The following SNTG1 variants were observed in gnomAD, a reference collection of about 807,000 sequenced individuals.
SNTG1 encodes gamma-1-syntrophin.
SNTG1 carries 39 observed loss-of-function variants against 74.7 expected under a neutral mutation model. The ratio of observed to expected loss-of-function variants is 0.52; its 90% CI spans 0.40 to 0.68. The LOEUF (loss-of-function observed/expected upper bound fraction) is 0.68, where lower values mean the gene tolerates loss of function less well. Ranked by LOEUF, SNTG1 falls within the 30% of genes least tolerant of loss-of-function variation. SNTG1 has a pLI of 0.00. For synonymous variants in SNTG1, 254 were observed against 217.1 expected (o/e 1.17, Z -1.49); for missense variants, 685 against 609.5 (o/e 1.12, Z -1.30).
At chr8:50,201,971 AT>A (rs1378953825) in intron 2 of SNTG1, among the ~76,000 whole-genome samples, 1 of 152,068 alleles carries the variant, frequency 6.6e-6, no homozygotes, top group African/African-American at 2.4e-5. Flanking sequence ...CAATATGAGG[AT>A]TTTTAACCCA....
chr8:50,344,792 T>C (rs1334161813), intron 2 of SNTG1, among the ~76,000 whole-genome samples: 1 of 152,194 alleles, frequency 6.6e-6, no homozygotes, highest in Non-Finnish European at 1.5e-5. Flanking sequence ...GAATTGCATT[T>C]CACCAAAATT....
chr8:50,673,530 T>A (rs2095295272), intron 15 of SNTG1, among the ~76,000 whole-genome samples: 1 of 152,194 alleles, frequency 6.6e-6, no homozygotes, highest in Non-Finnish European at 1.5e-5. Flanking sequence ...GGATTTTGTA[T>A]GTTGAGACTT....
chr8:50,745,870 G>T (rs959858111), intron 17 of SNTG1, among the ~76,000 whole-genome samples: 1 of 151,914 alleles, frequency 6.6e-6, no homozygotes, highest in Admixed American at 6.6e-5. Context: ...GGGCAGTGGG[G>T]AAAGATAAGT....
intron 2 of SNTG1, among the ~76,000 whole-genome samples, chr8:50,220,017 A>C (rs1293780889): frequency 6.6e-6 from 1 of 152,154 alleles, no homozygotes; most frequent in Non-Finnish European, 1.5e-5. Context: ...AAAATATATA[A>C]AGTCAAAAAT....
At position 50,337,185 on chromosome 8, in the gene SNTG1, T is replaced by C. The variant is rs6996480; in HGVS notation, c.-27-57027T>C. ...ATCAAGAACAAGTGAACAAACTGTA[T>C]AGTGACAACTCTTCTTCTAATCACA... On this transcript the variant is annotated intron_variant, in intron 2 of 18. Transcript: ENST00000642720. 9.2e-5 allele frequency among the ~76,000 whole-genome samples: 14 copies of C among 152,346 alleles called. 1 individual carries two copies. Among genetic ancestry groups the C allele is most frequent in the African/African-American group, 3.1e-4 (13 of 41,574 alleles).
chr8:50,719,798 T>G (rs929446597), intron 17 of SNTG1, among the ~76,000 whole-genome samples: 2 of 152,194 alleles, frequency 1.3e-5, no homozygotes, highest in Admixed American at 6.5e-5. Flanking sequence ...TTGATATCAT[T>G]AAGGTATTAT....
At position 50,462,513 on chromosome 8, in the gene SNTG1, T is replaced by C. The variant is rs544806133; in HGVS notation, c.363+11784T>C. 1.5e-3 allele frequency among the ~76,000 whole-genome samples: 103 copies of C among 69,890 alleles called. 2 individuals are homozygous for C. The South Asian group carries it at 0.046, about 31-fold the overall frequency. The allele number at this position is 69,890 out of a possible 152,430, so 45.9% of individuals were successfully genotyped here. A position where few individuals can be genotyped will look rare whatever the true frequency, so the allele number is the denominator to read the frequency against. On this transcript the variant is annotated intron_variant, in intron 8 of 18. Transcript: ENST00000642720. ...ATTTGCCACATCTATTGGCTCTTCC[T>C]TTCATGAAAAATTTTCCGTAATGTG... is the stretch of plus-strand genomic sequence containing the variant.
intron 1 of SNTG1, among the ~76,000 whole-genome samples, chr8:49,943,625 C>A (rs1195647293): frequency 6.6e-6 from 1 of 152,190 alleles, no homozygotes; most frequent in Admixed American, 6.5e-5. Context: ...TTAATCCTTG[C>A]CCTTCTGGCC....
At chr8:50,351,113 G>A (rs1371240848) in intron 2 of SNTG1, among the ~76,000 whole-genome samples, 1 of 152,188 alleles carries the variant, frequency 6.6e-6, no homozygotes, top group Non-Finnish European at 1.5e-5. Flanking sequence ...CCCTTACATG[G>A]TGTTGGCAGG....
chr8:50,117,092 T>C (rs779327646), intron 1 of SNTG1, among the ~76,000 whole-genome samples: 4 of 152,062 alleles, frequency 2.6e-5, no homozygotes, highest in African/African-American at 4.8e-5. Flanking sequence ...TTTAAGACAA[T>C]TTTAATAATA....
intron 1 of SNTG1, among the ~76,000 whole-genome samples, chr8:50,105,935 T>C (rs1460945795): frequency 1.3e-5 from 2 of 152,070 alleles, no homozygotes; most frequent in Admixed American, 1.3e-4. Context: ...TTTGGGTAAT[T>C]ACTGTGGGGT....
chr8:50,203,736 G>T (rs1211949457), intron 2 of SNTG1, among the ~76,000 whole-genome samples: 2 of 151,710 alleles, frequency 1.3e-5, no homozygotes, highest in Non-Finnish European at 2.9e-5. Context: ...TTGCTATGTG[G>T]CAGAATTAAA....
Position 50,122,253 on chromosome 8 carries a change from G to A in SNTG1, c.-102-50308G>A, listed in dbSNP as rs571090602. Among the ~76,000 whole-genome samples the A allele has an allele frequency of 1.4e-5, 2 of 142,224 alleles. 1 individual carries two copies. The highest frequency in any genetic ancestry group is 4.0e-4 in the East Asian group (2 of 4,944). 93.3% of individuals were successfully genotyped at this position (142,224 alleles called of 152,430 possible). On this transcript the variant is annotated intron_variant, in intron 1 of 18. Coordinates refer to ENST00000642720, the MANE Select transcript of SNTG1 (RefSeq NM_018967.5). ...TCCTTGGTAACTTGTGCCTTACCTC[G>A]TTTTGCAAAGCAAATAGTAAAATGG...
At chr8:50,167,016 G>A (rs1020779894) in intron 1 of SNTG1, among the ~76,000 whole-genome samples, 16 of 141,488 alleles carry the variant, frequency 1.1e-4, no homozygotes, top group Middle Eastern at 3.5e-3. Flanking sequence ...GTAAACTATC[G>A]CAAGAACAAA....
intron 2 of SNTG1, among the ~76,000 whole-genome samples, chr8:50,198,964 T>C (rs1482468912): frequency 6.6e-6 from 1 of 152,186 alleles, no homozygotes; most frequent in Non-Finnish European, 1.5e-5. Flanking sequence ...GTGGAAGTTG[T>C]AAATGAAATG....
At chr8:50,425,909 A>C (rs2093158095) in intron 4 of SNTG1, among the ~76,000 whole-genome samples, 1 of 152,176 alleles carries the variant, frequency 6.6e-6, no homozygotes, top group Admixed American at 6.6e-5. Context: ...GTTGTTTTAT[A>C]TTCTTCTGTA....
intron 8 of SNTG1, among the ~76,000 whole-genome samples, chr8:50,470,743 A>T (rs12548774): frequency 6.6e-6 from 1 of 151,936 alleles, no homozygotes; most frequent in South Asian, 2.1e-4. Flanking sequence ...ACAGCTCATA[A>T]AGGTAGTGCG....
intron 1 of SNTG1, among the ~76,000 whole-genome samples, chr8:49,948,392 T>C (rs929424580): frequency 5.9e-5 from 9 of 152,250 alleles, no homozygotes; most frequent in Non-Finnish European, 1.3e-4. Flanking sequence ...CGATTTTCTC[T>C]ACCAGACATG....
rs1257067955 is a variant in SNTG1, at chr8:50,124,255, G to A, written c.-102-48306G>A. Among the ~76,000 whole-genome samples the A allele has an allele frequency of 4.2e-5, 6 of 141,716 alleles. 1 individual carries two copies. The highest frequency in any genetic ancestry group is 1.6e-5 in the Non-Finnish European group (1 of 63,750). The allele number at this position is 141,716 out of a possible 152,430, so 93.0% of individuals were successfully genotyped here. A position where few individuals can be genotyped will look rare whatever the true frequency, so the allele number is the denominator to read the frequency against. On this transcript the variant is annotated intron_variant, in intron 1 of 18. Transcript: ENST00000642720. ...TGGCCATTTGCAAGCCCGTGAGAAA[G>A]GCTTTGGGAGAAACCAACCCGCTGA...
Sources: gnomAD v4.1 joint callset for allele counts (sites outside exome capture counted in the v4.1 genomes callset) on GRCh38, gnomAD v4.1.1 for gene constraint, MANE v1.5 for transcripts, NCBI Gene and HGNC (gene_info 2026-07-23, HGNC 2026-07-21) for gene names.